Variants in IL1RAPL2 observed in about 807,000 individuals in gnomAD.
IL1RAPL2 encodes the protein X-linked interleukin-1 receptor accessory protein-like 2.
IL1RAPL2 carries 3 observed loss-of-function variants against 44.1 expected under a neutral mutation model. That is an observed-to-expected ratio of 0.07 (90% CI 0.03 to 0.18). The LOEUF (loss-of-function observed/expected upper bound fraction) is 0.18, where lower values mean the gene tolerates loss of function less well. Among genes scored for constraint, IL1RAPL2 ranks in the 10% least tolerant of loss-of-function variants. The pLI is 1.00. For missense variants in IL1RAPL2, 391 were observed against 496.4 expected (o/e 0.79, Z 2.02); for synonymous variants, 181 against 178.8 (o/e 1.01, Z -0.10).
chrX:105,623,589 C>G (rs1446157197), intron 6 of IL1RAPL2, among the ~76,000 whole-genome samples: 1 of 110,870 alleles, frequency 9.0e-6, no homozygotes, highest in Non-Finnish European at 1.9e-5. Context: ...GTGACCCATT[C>G]ATTTATCCAA....
chrX:105,049,312 T>C (rs755683296), intron 2 of IL1RAPL2, among the ~76,000 whole-genome samples: 1 of 111,780 alleles, frequency 8.9e-6, no homozygotes, highest in South Asian at 3.7e-4. Flanking sequence ...ATGACAATTG[T>C]AGAATGTATG....
intron 5 of IL1RAPL2, among the ~76,000 whole-genome samples, chrX:105,315,393 G>T (rs1358604910): frequency 9.6e-6 from 1 of 104,419 alleles, no homozygotes; most frequent in Non-Finnish European, 2.0e-5. Context: ...AAAAAAAAAT[G>T]AGATGAAAGT....
At chrX:105,203,522 TAA>T (rs35055721) in intron 3 of IL1RAPL2, among the ~76,000 whole-genome samples, 2 of 109,715 alleles carry the variant, frequency 1.8e-5, no homozygotes, top group African/African-American at 6.6e-5. Context: ...AAACTATTTA[TAA>T]AAAAAAGTGT....
At chrX:105,428,397 G>A in intron 5 of IL1RAPL2, among the ~76,000 whole-genome samples, 1 of 111,333 alleles carries the variant, frequency 9.0e-6, no homozygotes, top group Non-Finnish European at 1.9e-5. Flanking sequence ...TCGTCCAAAT[G>A]ACATTTGCAT....
At chrX:105,753,341 C>G (rs1452538760) in intron 9 of IL1RAPL2, among the ~76,000 whole-genome samples, 2 of 111,553 alleles carry the variant, frequency 1.8e-5, no homozygotes, top group Non-Finnish European at 3.8e-5. Flanking sequence ...TTATCAAAGT[C>G]AGAGAGAGTA....
intron 1 of IL1RAPL2, among the ~76,000 whole-genome samples, chrX:104,609,041 G>A (rs1929085414): frequency 9.0e-6 from 1 of 111,716 alleles, no homozygotes; most frequent in Non-Finnish European, 1.9e-5. Flanking sequence ...TTGTAAGGCA[G>A]GCCTGGTGGT....
At chrX:105,467,287 T>C (rs2036137062) in intron 5 of IL1RAPL2, among the ~76,000 whole-genome samples, 1 of 111,817 alleles carries the variant, frequency 8.9e-6, no homozygotes, top group East Asian at 2.8e-4. Context: ...CAAAGATAAA[T>C]AACAATCTGA....
intron 2 of IL1RAPL2, among the ~76,000 whole-genome samples, chrX:104,915,393 G>A (rs780619097): frequency 9.0e-6 from 1 of 110,635 alleles, no homozygotes; most frequent in Admixed American, 9.6e-5. Flanking sequence ...CATATCCTTT[G>A]CCCACTTTTT....
At chrX:104,725,602 T>C (rs767429562) in intron 2 of IL1RAPL2, among the ~76,000 whole-genome samples, 2 of 112,422 alleles carry the variant, frequency 1.8e-5, no homozygotes, top group South Asian at 7.4e-4. Flanking sequence ...GGTATCTCAT[T>C]GTGGTTTTGA....
chrX:104,964,270 T>G (rs1020253979), intron 2 of IL1RAPL2, among the ~76,000 whole-genome samples: 1 of 103,476 alleles, frequency 9.7e-6, no homozygotes, highest in Non-Finnish European at 2.0e-5. Flanking sequence ...GGTACTACAT[T>G]GTGCCAGGGA....
At chrX:104,993,412 G>A (rs894546929) in intron 2 of IL1RAPL2, among the ~76,000 whole-genome samples, 2 of 111,770 alleles carry the variant, frequency 1.8e-5, no homozygotes, top group Non-Finnish European at 3.8e-5. Context: ...CAATGTTGCT[G>A]AAGACAAAGC....
At chrX:105,066,931 G>C (rs1418182953) in intron 2 of IL1RAPL2, among the ~76,000 whole-genome samples, 1 of 111,479 alleles carries the variant, frequency 9.0e-6, no homozygotes, top group Non-Finnish European at 1.9e-5. Context: ...GTGGTGTCAG[G>C]AGGGTGCTTT....
intron 2 of IL1RAPL2, among the ~76,000 whole-genome samples, chrX:104,750,326 C>T (rs759017857): frequency 1.8e-5 from 2 of 111,280 alleles, no homozygotes; most frequent in South Asian, 7.6e-4. Context: ...ATGAGGTCAG[C>T]CTGAATCACT....
At chrX:105,144,447 T>C (rs1057404151) in intron 2 of IL1RAPL2, among the ~76,000 whole-genome samples, 1 of 111,423 alleles carries the variant, frequency 9.0e-6, no homozygotes, top group Non-Finnish European at 1.9e-5. Context: ...GTAGTTAAGA[T>C]GTAAGTCTTC....
intron 2 of IL1RAPL2, among the ~76,000 whole-genome samples, chrX:104,973,313 G>C (rs2030270824): frequency 8.9e-6 from 1 of 111,876 alleles, no homozygotes; most frequent in Non-Finnish European, 1.9e-5. Context: ...AGGCCAGATG[G>C]GAATGGAGGT....
intron 2 of IL1RAPL2, among the ~76,000 whole-genome samples, chrX:105,101,141 G>A (rs116185036): frequency 0.066 from 7,386 of 111,684 alleles, 617 homozygotes; most frequent in African/African-American, 0.23. Flanking sequence ...CCTCTCCCCA[G>A]TGGGCACATG....
At chrX:105,433,533 T>G (rs1326811823) in intron 5 of IL1RAPL2, among the ~76,000 whole-genome samples, 1 of 111,572 alleles carries the variant, frequency 9.0e-6, no homozygotes, top group Non-Finnish European at 1.9e-5. Context: ...CTCTCTAATT[T>G]ACTTATGTGA....
intron 5 of IL1RAPL2, among the ~76,000 whole-genome samples, chrX:105,325,576 T>TATATATAC (rs61264130): frequency 4.8e-4 from 45 of 93,720 alleles, no homozygotes; most frequent in African/African-American, 1.8e-3. Flanking sequence ...TATATATATA[T>TATATATAC]ACACATATGT....
chrX:105,579,808 A>C, intron 6 of IL1RAPL2, among the ~76,000 whole-genome samples: 1 of 111,548 alleles, frequency 9.0e-6, no homozygotes, highest in South Asian at 3.7e-4. Flanking sequence ...ATATTGCCCC[A>C]GAACATCAAC....
Sources: gnomAD v4.1 joint callset for allele counts (sites outside exome capture counted in the v4.1 genomes callset) on GRCh38, gnomAD v4.1.1 for gene constraint, MANE v1.5 for transcripts, NCBI Gene and HGNC (gene_info 2026-07-23, HGNC 2026-07-21) for gene names.